PAM: variants seen among roughly 807,000 people sequenced by gnomAD.
PAM encodes the protein peptidylglycine alpha-amidating monooxygenase.
A neutral mutation model predicts 122.1 loss-of-function variants in PAM; 72 were observed. The ratio of observed to expected loss-of-function variants is 0.59; its 90% CI spans 0.49 to 0.72. The LOEUF is 0.72. Ranked by LOEUF, PAM falls within the 30% of genes least tolerant of loss-of-function variation. The pLI is 0.00. For missense variants in PAM, 1,106 were observed against 1,183.7 expected, an observed-to-expected ratio of 0.93 and a Z score of 0.96; for synonymous variants, 389 against 404.4, an observed-to-expected ratio of 0.96 and a Z score of 0.46.
chr5:102,755,486 C>A (rs1405028583), intron 1 of PAM, 138 bp downstream of exon 1: 2 of 133,226 alleles, frequency 1.5e-5, no homozygotes, highest in Non-Finnish European at 3.2e-5. Flanking sequence ...GCTTTTTCTC[C>A]CGGGCTGCCC....
chr5:102,904,020 T>G (rs901092446), intron 4 of PAM, among the ~76,000 whole-genome samples: 7 of 151,564 alleles, frequency 4.6e-5, no homozygotes, highest in African/African-American at 1.5e-4. Flanking sequence ...GGAAAGGGGC[T>G]TGGATAGTTA....
chr5:102,948,303 G>GA, intron 8 of PAM, 75 bp from the exon 9 acceptor site: 3 of 782,026 alleles, frequency 3.8e-6, no homozygotes, highest in Non-Finnish European at 6.8e-6. Context: ...AAAGTATTGA[G>GA]GTATATGCTG....
intron 1 of PAM, among the ~76,000 whole-genome samples, chr5:102,793,941 A>T (rs1388392185): frequency 1.4e-4 from 22 of 152,152 alleles, no homozygotes; most frequent in Admixed American, 1.4e-3. Flanking sequence ...AATTAAATGC[A>T]TATTTTTTTC....
intron 1 of PAM, among the ~76,000 whole-genome samples, chr5:102,818,504 G>A (rs922990494): frequency 6.6e-6 from 1 of 152,064 alleles, no homozygotes; most frequent in Non-Finnish European, 1.5e-5. Context: ...ACGTCTTGGT[G>A]GCATATGACA....
chr5:102,765,816 T>C (rs938020115), intron 1 of PAM, among the ~76,000 whole-genome samples: 4 of 152,198 alleles, frequency 2.6e-5, no homozygotes, highest in African/African-American at 9.6e-5. Flanking sequence ...TGTGTCTGTC[T>C]CTGTGTCCAA....
At chr5:102,797,692 T>C (rs1353935509) in intron 1 of PAM, among the ~76,000 whole-genome samples, 1 of 152,178 alleles carries the variant, frequency 6.6e-6, no homozygotes, top group African/African-American at 2.4e-5. Flanking sequence ...TTCCAGCATT[T>C]AGGTTTTAAG....
chr5:102,798,016 C>T (rs1432893816), intron 1 of PAM, among the ~76,000 whole-genome samples: 1 of 152,094 alleles, frequency 6.6e-6, no homozygotes, highest in Non-Finnish European at 1.5e-5. Context: ...TAGACAATGG[C>T]ATATACTATA....
chr5:103,009,263 T>A (rs890504021), intron 20 of PAM, among the ~76,000 whole-genome samples: 6 of 152,172 alleles, frequency 3.9e-5, no homozygotes, highest in African/African-American at 9.6e-5. Flanking sequence ...ATTTTCAAAT[T>A]CTAGTTGTTT....
intron 1 of PAM, among the ~76,000 whole-genome samples, chr5:102,792,179 C>T (rs1762215120): frequency 6.6e-6 from 1 of 151,828 alleles, no homozygotes; most frequent in African/African-American, 2.4e-5. Flanking sequence ...GGAAATTCAC[C>T]TTAGACATAT....
chr5:102,866,393 A>G, intron 2 of PAM, 109 bp downstream of exon 2: 1 of 728,616 alleles, frequency 1.4e-6, no homozygotes, highest in East Asian at 2.7e-5. Context: ...CTTTGCTGGA[A>G]TGACTTGGAA....
chr5:102,918,622 T>C (rs1746310337), intron 5 of PAM, among the ~76,000 whole-genome samples: 1 of 152,168 alleles, frequency 6.6e-6, no homozygotes, highest in Non-Finnish European at 1.5e-5. Context: ...CTGTTTTTAC[T>C]CTTAATCAAT....
At chr5:102,918,461 G>T (rs1273695023) in intron 5 of PAM, among the ~76,000 whole-genome samples, 2 of 151,938 alleles carry the variant, frequency 1.3e-5, no homozygotes, top group Non-Finnish European at 1.5e-5. Context: ...TGAAATGAAG[G>T]TGCTTAAATT....
chr5:102,844,538 C>T (rs777673853), intron 1 of PAM, among the ~76,000 whole-genome samples: 6 of 152,068 alleles, frequency 3.9e-5, no homozygotes, highest in Non-Finnish European at 7.4e-5. Flanking sequence ...CATAGTGGCT[C>T]ATGCCTGTAG....
At position 102,901,338 on chromosome 5, in the gene PAM, T is replaced by A. The variant is rs1190630043; in HGVS notation, c.211-18T>A. The A allele has an allele frequency of 3.4e-6, 5 of 1,486,110 alleles. No homozygotes were observed. Among genetic ancestry groups the A allele is most frequent in the South Asian group, 2.3e-5 (2 of 86,856 alleles). The allele number at this position is 1,486,110 out of a possible 1,614,324, so 92.1% of individuals were successfully genotyped here. ...TAGCAACAGTTTAATTTGGATTTTT[T>A]AATCTTTTTTTTAATAGTCCGATAC... On this transcript the variant is annotated intron_variant, in intron 3 of 25. Coordinates refer to ENST00000438793, the MANE Select transcript of PAM (RefSeq NM_001177306.2).
chr5:102,960,165 C>G (rs534419002), intron 13 of PAM, 106 bp downstream of exon 13: 2 of 644,452 alleles, frequency 3.1e-6, no homozygotes, highest in Non-Finnish European at 5.3e-6. Flanking sequence ...CCTTCTTCTA[C>G]CAGTCACATG....
chr5:103,026,279 T>C (rs7717343), intron 24 of PAM, among the ~76,000 whole-genome samples: 46,609 of 151,834 alleles, frequency 0.31, 7,307 homozygotes, highest in East Asian at 0.45. Flanking sequence ...AATCCATGGA[T>C]CAGGGAGAGG....
At position 102,926,611 on chromosome 5, in the gene PAM, A is replaced by G; in HGVS notation, c.469A>G (p.Thr157Ala). The G allele has an allele frequency of 1.3e-6, 2 of 1,596,668 alleles. No individual in the cohort carries two copies. Among genetic ancestry groups the G allele is most frequent in the Non-Finnish European group, 1.7e-6 (2 of 1,164,348 alleles). The change falls in exon 7 of 26, where the codon ACT (threonine) becomes GCT (alanine). Residue 157 changes from threonine (T) to alanine (A), a missense_variant. Coordinates refer to ENST00000438793, the MANE Select transcript of PAM (RefSeq NM_001177306.2). ...KGVGFRVGGE[T>A]GSKYFVLQVH... ...TGTTGGATTCAGAGTTGGAGGAGAG[A>G]CTGGAAGTAAATACTTTGTACTACA...
intron 3 of PAM, among the ~76,000 whole-genome samples, chr5:102,900,257 G>GGGT (rs1797375890): frequency 7.9e-6 from 1 of 126,504 alleles, no homozygotes; most frequent in East Asian, 2.6e-4. Flanking sequence ...GTGTGTGTGG[G>GGGT]GGGGGGGCGG....
rs180822402 is a variant in PAM at position 102,755,685 on chromosome 5, C to G, written c.-374+337C>G. On this transcript the variant is annotated intron_variant, in intron 1 of 25. Coordinates refer to ENST00000438793, the MANE Select transcript of PAM (RefSeq NM_001177306.2). ...TCACCTCCGCACTTCTCCTTGTGCCCTCTCCCTAGGGGGTACAATTTGTTC... is the reference window on the plus strand; with the variant it reads ...TCACCTCCGCACTTCTCCTTGTGCCGTCTCCCTAGGGGGTACAATTTGTTC... Among the ~76,000 whole-genome samples, 674 of 152,054 alleles carry G rather than the reference C, an allele frequency of 4.4e-3. 10 individuals carry two copies. The highest frequency in any genetic ancestry group is 0.015 in the African/African-American group (635 of 41,494).
Sources: gnomAD v4.1 joint callset for allele counts (sites outside exome capture counted in the v4.1 genomes callset) on GRCh38, gnomAD v4.1.1 for gene constraint, MANE v1.5 for transcripts, NCBI Gene and HGNC (gene_info 2026-07-23, HGNC 2026-07-21) for gene names.